Variants in EIPR1 observed in about 807,000 individuals in gnomAD.
EIPR1 encodes EARP complex and GARP complex interacting protein 1.
EIPR1 carries 25 observed loss-of-function variants against 48.1 expected under a neutral mutation model. The ratio of observed to expected loss-of-function variants is 0.52; its 90% CI spans 0.38 to 0.73. The LOEUF (loss-of-function observed/expected upper bound fraction) is 0.73, where lower values mean the gene tolerates loss of function less well. EIPR1 is among the 30% of genes least tolerant of loss of function. The probability of loss-of-function intolerance (pLI) is 0.00; values close to 1 mark genes in which losing one functional copy is unlikely to be tolerated. For synonymous variants in EIPR1, 204 were observed against 201.9 expected (o/e 1.01, Z -0.09); for missense variants, 415 against 506.2 (o/e 0.82, Z 1.73).
intron 4 of EIPR1, among the ~76,000 whole-genome samples, chr2:3,220,889 C>T (rs1421658599): frequency 6.7e-6 from 1 of 149,516 alleles, no homozygotes; most frequent in African/African-American, 2.5e-5. Context: ...AGAGCATTCA[C>T]AGTCAGTTAA....
At chr2:3,369,001 TC>T (rs1315508995) in intron 1 of EIPR1, among the ~76,000 whole-genome samples, 1 of 152,122 alleles carries the variant, frequency 6.6e-6, no homozygotes, top group Non-Finnish European at 1.5e-5. Flanking sequence ...TAAAGTGTTC[TC>T]CATGGGATTT....
At chr2:3,268,589 C>A (rs866510249) in intron 3 of EIPR1, among the ~76,000 whole-genome samples, 1 of 152,198 alleles carries the variant, frequency 6.6e-6, no homozygotes, top group Non-Finnish European at 1.5e-5. Flanking sequence ...CCCTGTTTAA[C>A]CTGCTCTGTT....
chr2:3,287,047 C>T (rs1227157510), intron 3 of EIPR1, among the ~76,000 whole-genome samples: 3 of 147,832 alleles, frequency 2.0e-5, no homozygotes, highest in Non-Finnish European at 3.0e-5. Context: ...GCAGAGGCGG[C>T]GGTGGGGAGC....
rs747365551 is a variant in EIPR1 at position 3,208,719 on chromosome 2, A to T, written c.516+5430T>A. 7 of 1,549,158 alleles carry T rather than the reference A, an allele frequency of 4.5e-6. No individual in the cohort carries two copies. The African/African-American group carries it at 9.7e-5, about 21-fold the overall frequency. On this transcript the variant is annotated intron_variant, in intron 5 of 8. Transcript: ENST00000382125. ...GAAACACTCGGCGGGTCCTTCTTCC[A>T]TGCGTGAGGCTCGTGGCGGGTCCTT...
At chr2:3,269,229 C>T (rs1052918907) in intron 3 of EIPR1, among the ~76,000 whole-genome samples, 3 of 150,934 alleles carry the variant, frequency 2.0e-5, no homozygotes, top group South Asian at 2.1e-4. Flanking sequence ...ACTCAATCAT[C>T]GCACTCAGTC....
intron 1 of EIPR1, among the ~76,000 whole-genome samples, chr2:3,356,357 C>T (rs577546560): frequency 6.6e-6 from 1 of 152,292 alleles, no homozygotes; most frequent in African/African-American, 2.4e-5. Flanking sequence ...AGGCTGTATA[C>T]AACAGCCTGA....
At chr2:3,333,692 G>T (rs1347401411) in intron 3 of EIPR1, among the ~76,000 whole-genome samples, 1 of 147,166 alleles carries the variant, frequency 6.8e-6, no homozygotes, top group African/African-American at 2.5e-5. Context: ...AGTGAGCCAA[G>T]ATTGTGCCAC....
At chr2:3,303,614 C>A (rs964345479) in intron 3 of EIPR1, among the ~76,000 whole-genome samples, 1 of 152,214 alleles carries the variant, frequency 6.6e-6, no homozygotes, top group Non-Finnish European at 1.5e-5. Flanking sequence ...TTGGGAAATG[C>A]GACTAATAAC....
chr2:3,340,540 C>T (rs1396738219), intron 2 of EIPR1, among the ~76,000 whole-genome samples: 1 of 152,188 alleles, frequency 6.6e-6, no homozygotes, highest in African/African-American at 2.4e-5. Context: ...TTTTTCCTTT[C>T]CACACCCAAG....
At chr2:3,287,865 A>G (rs990943707) in intron 3 of EIPR1, among the ~76,000 whole-genome samples, 1 of 150,614 alleles carries the variant, frequency 6.6e-6, no homozygotes, top group East Asian at 2.0e-4. Context: ...AAGCTCATTC[A>G]CCATGCTCCA....
chr2:3,247,347 C>G (rs1194795063), intron 4 of EIPR1, among the ~76,000 whole-genome samples: 1 of 152,158 alleles, frequency 6.6e-6, no homozygotes, highest in East Asian at 1.9e-4. Context: ...GTGCATAACT[C>G]TTGAACAGCT....
At chr2:3,203,140 T>C (rs1007405166) in intron 5 of EIPR1, among the ~76,000 whole-genome samples, 1 of 152,264 alleles carries the variant, frequency 6.6e-6, no homozygotes, top group Non-Finnish European at 1.5e-5. Flanking sequence ...ATATCACCAT[T>C]TGACAGATGA....
At chr2:3,333,828 A>G (rs1043564766) in intron 3 of EIPR1, among the ~76,000 whole-genome samples, 1 of 151,932 alleles carries the variant, frequency 6.6e-6, no homozygotes, top group Non-Finnish European at 1.5e-5. Flanking sequence ...GCTTTAGAAG[A>G]GGGCAACTGT....
chr2:3,324,225 C>T (rs1669622321), intron 3 of EIPR1, among the ~76,000 whole-genome samples: 1 of 152,198 alleles, frequency 6.6e-6, no homozygotes, highest in African/African-American at 2.4e-5. Flanking sequence ...AAAGCCAGAG[C>T]AGGTCCCCAG....
At chr2:3,337,735 C>T (rs1192348083) in intron 3 of EIPR1, among the ~76,000 whole-genome samples, 4 of 152,208 alleles carry the variant, frequency 2.6e-5, no homozygotes, top group Non-Finnish European at 2.9e-5. Flanking sequence ...CATCAGGACA[C>T]TTGTGTCTGC....
intron 3 of EIPR1, among the ~76,000 whole-genome samples, chr2:3,269,067 C>T (rs562355855): frequency 3.3e-5 from 5 of 152,174 alleles, no homozygotes; most frequent in Admixed American, 3.3e-4. Flanking sequence ...CTCTCCTATC[C>T]GGACACAGTT....
intron 4 of EIPR1, among the ~76,000 whole-genome samples, chr2:3,220,757 C>T (rs1319754641): frequency 6.6e-6 from 1 of 150,914 alleles, no homozygotes; most frequent in Non-Finnish European, 1.5e-5. Flanking sequence ...CACACAATGG[C>T]CGAGGTACAC....
intron 4 of EIPR1, among the ~76,000 whole-genome samples, chr2:3,239,005 G>A (rs1305031859): frequency 1.3e-5 from 2 of 152,224 alleles, no homozygotes; most frequent in Non-Finnish European, 2.9e-5. Flanking sequence ...GGAGAGCCTG[G>A]AAGGGGAGAG....
At chr2:3,359,065 A>G (rs1173446266) in intron 1 of EIPR1, among the ~76,000 whole-genome samples, 5 of 152,226 alleles carry the variant, frequency 3.3e-5, no homozygotes, top group Admixed American at 6.5e-5. Flanking sequence ...TTGGACTCTC[A>G]TTAGGAGAGA....
Sources: gnomAD v4.1 joint callset for allele counts (sites outside exome capture counted in the v4.1 genomes callset) on GRCh38, gnomAD v4.1.1 for gene constraint, MANE v1.5 for transcripts, NCBI Gene and HGNC (gene_info 2026-07-23, HGNC 2026-07-21) for gene names.